FGF10: variants seen among roughly 807,000 people sequenced by gnomAD.
The protein encoded by FGF10 is fibroblast growth factor 10.
A neutral mutation model predicts 19.8 loss-of-function variants in FGF10; 2 were observed. The observed-to-expected ratio is 0.10, with a 90% CI of 0.04 to 0.32. The LOEUF is 0.32. Among genes scored for constraint, FGF10 ranks in the 10% least tolerant of loss-of-function variants. The pLI is 1.00. For synonymous variants in FGF10, 112 were observed against 94.0 expected (o/e 1.19, Z -1.10); for missense variants, 191 against 246.3 (o/e 0.78, Z 1.50).
intron 1 of FGF10, among the ~76,000 whole-genome samples, chr5:44,321,235 C>A (rs1428990316): frequency 6.6e-6 from 1 of 152,086 alleles, no homozygotes; most frequent in African/African-American, 2.4e-5. Context: ...TCAGCTAGCA[C>A]CATAACTAGA....
chr5:44,366,430 T>G (rs1460969580), intron 1 of FGF10, among the ~76,000 whole-genome samples: 2 of 151,928 alleles, frequency 1.3e-5, no homozygotes, highest in Non-Finnish European at 2.9e-5. Flanking sequence ...CTTAGTTTCA[T>G]GTTTAATTGT....
At chr5:44,337,360 T>C (rs1029565762) in intron 1 of FGF10, among the ~76,000 whole-genome samples, 1 of 152,118 alleles carries the variant, frequency 6.6e-6, no homozygotes, top group Non-Finnish European at 1.5e-5. Context: ...TCACTCTTAG[T>C]AAACTACACC....
chr5:44,345,161 T>C (rs1375282216), intron 1 of FGF10, among the ~76,000 whole-genome samples: 1 of 151,974 alleles, frequency 6.6e-6, no homozygotes, highest in African/African-American at 2.4e-5. Flanking sequence ...AATGACCCCA[T>C]GTGGGAGTCT....
intron 1 of FGF10, among the ~76,000 whole-genome samples, chr5:44,371,395 T>G (rs1023431102): frequency 2.0e-5 from 3 of 152,120 alleles, no homozygotes; most frequent in African/African-American, 7.2e-5. Context: ...TTGCCCAGTT[T>G]CAGGTAGTCT....
chr5:44,355,866 G>A (rs980053903), intron 1 of FGF10, among the ~76,000 whole-genome samples: 9 of 151,356 alleles, frequency 5.9e-5, no homozygotes, highest in African/African-American at 2.2e-4. Context: ...TGGGTCAAAT[G>A]TTCAAAGTAC....
intron 1 of FGF10, among the ~76,000 whole-genome samples, chr5:44,332,151 T>C (rs939979304): frequency 6.6e-6 from 1 of 152,022 alleles, no homozygotes; most frequent in Non-Finnish European, 1.5e-5. Context: ...CTCTTAATCT[T>C]TGGGTAGGGA....
intron 1 of FGF10, among the ~76,000 whole-genome samples, chr5:44,327,205 C>G (rs1278239704): frequency 6.6e-6 from 1 of 152,158 alleles, no homozygotes; most frequent in Non-Finnish European, 1.5e-5. Context: ...CTAAATGTAT[C>G]CCTGTGAAAA....
At chr5:44,311,216 T>C (rs985560741) in intron 1 of FGF10, among the ~76,000 whole-genome samples, 2 of 151,264 alleles carry the variant, frequency 1.3e-5, no homozygotes, top group South Asian at 2.1e-4. Context: ...TCGAGGGAAG[T>C]AGTAAGAGGT....
chr5:44,385,184 G>A (rs993978005), intron 1 of FGF10, among the ~76,000 whole-genome samples: 4 of 152,110 alleles, frequency 2.6e-5, no homozygotes, highest in African/African-American at 9.7e-5. Flanking sequence ...ACTTCTAGCA[G>A]GAGAAACATA....
chr5:44,347,077 G>C (rs1741105935), intron 1 of FGF10, among the ~76,000 whole-genome samples: 1 of 151,706 alleles, frequency 6.6e-6, no homozygotes, highest in Non-Finnish European at 1.5e-5. Flanking sequence ...CATATAATCA[G>C]TACCTAGAGG....
intron 1 of FGF10, among the ~76,000 whole-genome samples, chr5:44,315,430 C>T (rs1222461383): frequency 6.6e-6 from 1 of 151,932 alleles, no homozygotes; most frequent in Non-Finnish European, 1.5e-5. Flanking sequence ...CACATTTCTC[C>T]CCACCTCCCC....
At chr5:44,381,851 A>G (rs1005068652) in intron 1 of FGF10, among the ~76,000 whole-genome samples, 1 of 152,200 alleles carries the variant, frequency 6.6e-6, no homozygotes, top group Non-Finnish European at 1.5e-5. Flanking sequence ...CCTATTCAGA[A>G]TTAGGTTCTA....
rs1448402336 is a variant in FGF10, at chr5:44,302,946, A to G, written c.*2049T>C. On this transcript the variant is annotated 3_prime_UTR_variant, in exon 3 of 3. Transcript: ENST00000264664. ...TGGTCTATGTTTATGTGTCAGGTGC[A>G]ATTATTATTTTAAAATAAAGGAAAA... Among the ~76,000 whole-genome samples the G allele has an allele frequency of 6.6e-6, 1 of 152,146 alleles. No individual in the cohort carries two copies. The highest frequency in any genetic ancestry group is 2.4e-5 in the African/African-American group (1 of 41,452).
At chr5:44,320,246 C>G (rs1189110960) in intron 1 of FGF10, among the ~76,000 whole-genome samples, 1 of 152,172 alleles carries the variant, frequency 6.6e-6, no homozygotes. Context: ...AAAACCCTAT[C>G]TGTGCTGCAT....
chr5:44,327,040 G>A (rs1309764072), intron 1 of FGF10, among the ~76,000 whole-genome samples: 1 of 152,118 alleles, frequency 6.6e-6, no homozygotes, highest in Non-Finnish European at 1.5e-5. Flanking sequence ...AGCCCTTCCA[G>A]GGTAGGCAGG....
At chr5:44,344,906 A>C (rs1166737694) in intron 1 of FGF10, among the ~76,000 whole-genome samples, 1 of 152,060 alleles carries the variant, frequency 6.6e-6, no homozygotes, top group African/African-American at 2.4e-5. Context: ...GGCAATAAGC[A>C]GTATATACAA....
chr5:44,367,226 T>G (rs1741637638), intron 1 of FGF10, among the ~76,000 whole-genome samples: 1 of 152,042 alleles, frequency 6.6e-6, no homozygotes, highest in Non-Finnish European at 1.5e-5. Context: ...ATCTGTTTCT[T>G]TTTTAGCCAT....
In FGF10 at chr5:44,333,000, C is replaced by T. The variant is rs1429430269; in HGVS notation, c.326-22470G>A. Among the ~76,000 whole-genome samples the T allele has an allele frequency of 2.6e-5, 4 of 152,056 alleles. No homozygotes were observed. The East Asian group carries it at 7.7e-4, about 29-fold the overall frequency. On this transcript the variant is annotated intron_variant, in intron 1 of 2. Coordinates refer to ENST00000264664, the MANE Select transcript of FGF10 (RefSeq NM_004465.2). Reference sequence around the variant, plus strand: ...ATCACTAGCAATCTCTAGAAAGTTTCTATATCTAGGCTTAATAGGACAGTA... The same window carrying T: ...ATCACTAGCAATCTCTAGAAAGTTTTTATATCTAGGCTTAATAGGACAGTA...
intron 1 of FGF10, among the ~76,000 whole-genome samples, chr5:44,376,392 C>T (rs1050520925): frequency 6.8e-6 from 1 of 147,778 alleles, no homozygotes. Flanking sequence ...AAAACACTTA[C>T]ATGTACTCCT....
Sources: allele counts gnomAD v4.1 joint callset (sites outside exome capture counted in the v4.1 genomes callset), GRCh38; gene constraint gnomAD v4.1.1; transcripts MANE v1.5; gene names NCBI Gene and HGNC (gene_info 2026-07-23, HGNC 2026-07-21).